Variants in TFCP2L1 observed in about 807,000 individuals in gnomAD.
TFCP2L1 encodes transcription factor CP2-like protein 1.
Under a neutral mutation model 72.2 loss-of-function variants are expected in TFCP2L1, and 12 were observed. That is an observed-to-expected ratio of 0.17 (90% CI 0.11 to 0.27). The LOEUF (loss-of-function observed/expected upper bound fraction) is 0.27, where lower values mean the gene tolerates loss of function less well. Ranked by LOEUF, TFCP2L1 falls within the 10% of genes least tolerant of loss-of-function variation. The pLI is 1.00. For missense variants in TFCP2L1, 488 were observed against 624.6 expected, an observed-to-expected ratio of 0.78 and a Z score of 2.33; for synonymous variants, 260 against 251.0, an observed-to-expected ratio of 1.04 and a Z score of -0.34.
chr2:121,230,130 C>G (rs895992168), intron 13 of TFCP2L1, among the ~76,000 whole-genome samples: 2 of 152,120 alleles, frequency 1.3e-5, no homozygotes, highest in African/African-American at 4.8e-5. Context: ...ACGATCCCAT[C>G]CCGCTCCCAC....
intron 2 of TFCP2L1, among the ~76,000 whole-genome samples, chr2:121,265,651 T>C (rs867012594): frequency 2.0e-5 from 3 of 152,022 alleles, no homozygotes; most frequent in Admixed American, 1.3e-4. Context: ...GCCTGGCTAA[T>C]TTTTGTATTT....
rs936390487 is a variant in TFCP2L1 at position 121,222,824 on chromosome 2, G to A, written c.*1517C>T. ...AAAGCTGTTAGTTAACCCACTCCCCGCTTCTCCTCTAAAGAAGGAAGAGGA... is the reference window on the plus strand; with the variant it reads ...AAAGCTGTTAGTTAACCCACTCCCCACTTCTCCTCTAAAGAAGGAAGAGGA... On this transcript the variant is annotated 3_prime_UTR_variant, in exon 15 of 15. Transcript: ENST00000263707. The A allele has an allele frequency of 7.2e-5, 5 of 68,990 alleles. No individual in the cohort carries two copies. The highest frequency in any genetic ancestry group is 1.4e-4 in the Non-Finnish European group (3 of 21,258). The allele number at this position is 68,990 out of a possible 1,614,324, so 4.3% of individuals were successfully genotyped here.
chr2:121,231,163 C>T (rs1488929590), intron 13 of TFCP2L1, among the ~76,000 whole-genome samples: 1 of 152,216 alleles, frequency 6.6e-6, no homozygotes, highest in East Asian at 1.9e-4. Context: ...AGTCGCTATG[C>T]ATACACTTAA....
At position 121,218,215 on chromosome 2, in the gene TFCP2L1, A is replaced by G. The variant is rs1045307523; in HGVS notation, c.*6126T>C. On this transcript the variant is annotated 3_prime_UTR_variant, in exon 15 of 15. Coordinates refer to ENST00000263707, the MANE Select transcript of TFCP2L1 (RefSeq NM_014553.3). ...GCGTAAGAGCAAACAAATTTCCACA[A>G]TTTTTAAATTGATAAAATCCAAAAT... 6.6e-6 allele frequency: 1 copy of G among 152,226 alleles called. No homozygotes were observed. Among genetic ancestry groups the G allele is most frequent in the African/African-American group, 2.4e-5 (1 of 41,454 alleles). 9.4% of individuals were successfully genotyped at this position (152,226 alleles called of 1,614,324 possible).
chr2:121,224,535 G>GA, intron 14 of TFCP2L1, 148 bp from the exon 15 acceptor site: 2 of 715,768 alleles, frequency 2.8e-6, no homozygotes, highest in East Asian at 5.4e-5. Flanking sequence ...CAGAAGCAGG[G>GA]ATCTCACATG....
intron 2 of TFCP2L1, among the ~76,000 whole-genome samples, chr2:121,257,949 CACCCGA>C (rs1353065197): frequency 6.6e-6 from 1 of 152,150 alleles, no homozygotes; most frequent in East Asian, 1.9e-4. Flanking sequence ...GCCACCAGTT[CACCCGA>C]ACCAGGTCAC....
Position 121,224,232 on chromosome 2 carries a change from C to T in TFCP2L1, c.*109G>A. 1 of 1,319,258 alleles carries T rather than the reference C, an allele frequency of 7.6e-7. No individual in the cohort carries two copies. Among genetic ancestry groups the T allele is most frequent in the Non-Finnish European group, 1.1e-6 (1 of 932,070 alleles). The allele number at this position is 1,319,258 out of a possible 1,614,324, so 81.7% of individuals were successfully genotyped here. ...CTTTCACAGACTGGGCAGGGTCCCT[C>T]CTGGCCTCAGCTTGCCTGGTGAGGC... On this transcript the variant is annotated 3_prime_UTR_variant, in exon 15 of 15. Transcript: ENST00000263707.
intron 2 of TFCP2L1, among the ~76,000 whole-genome samples, chr2:121,274,790 G>C (rs995244834): frequency 3.3e-5 from 5 of 151,934 alleles, no homozygotes; most frequent in African/African-American, 1.2e-4. Flanking sequence ...ACGAAAAATA[G>C]AAAAATTAGC....
At position 121,269,918 on chromosome 2, in the gene TFCP2L1, A is replaced by AAAAAAAAAAAAAAAAAAAAAAATAT; in HGVS notation, c.214+11201_214+11202insATATTTTTTTTTTTTTTTTTTTTTT. ...AGCAAGACTCCATCTAAAAAAAAAA[A>AAAAAAAAAAAAAAAAAAAAAAATAT]ATATATATATATATATATGCAAAAG... On this transcript the variant is annotated intron_variant, in intron 2 of 14. Transcript: ENST00000263707. 2.9e-4 allele frequency among the ~76,000 whole-genome samples: 33 copies of AAAAAAAAAAAAAAAAAAAAAAATAT among 115,152 alleles called. 1 individual carries two copies. The highest frequency in any genetic ancestry group is 6.2e-4 in the South Asian group (2 of 3,218). The allele number at this position is 115,152 out of a possible 152,430, so 75.5% of individuals were successfully genotyped here.
intron 7 of TFCP2L1, 40 bp from the exon 8 acceptor site, chr2:121,239,689 G>A: frequency 6.3e-7 from 1 of 1,586,350 alleles, no homozygotes; most frequent in Non-Finnish European, 8.6e-7. Context: ...ATCTGGAGAG[G>A]CGCTGAGCCG....
rs1686547404 is a variant in TFCP2L1 at position 121,249,008 on chromosome 2, C to T, written c.371G>A (p.Arg124Gln). The change falls in exon 4 of 15, where the codon CGG becomes CAG. Residue 124 changes from arginine (R) to glutamine (Q), a missense_variant. This residue lies in a region of TFCP2L1 where 129 missense variants were observed against 236.0 expected (regional missense o/e 0.55). Coordinates refer to ENST00000263707, the MANE Select transcript of TFCP2L1 (RefSeq NM_014553.3). ...GATGTCCAGGATCCGGTCCCCTGGC[C>T]GACTCCACCGCCAGCCCTCCAGCTG... ...HQQLEGWRWS[R>Q]PGDRILDIDI... is the part of the protein sequence containing the mutation. 1 of 1,602,942 alleles carries T rather than the reference C, an allele frequency of 6.2e-7. No individual in the cohort carries two copies. The highest frequency in any genetic ancestry group is 8.5e-7 in the Non-Finnish European group (1 of 1,175,340).
At chr2:121,270,358 C>T (rs1687021479) in intron 2 of TFCP2L1, among the ~76,000 whole-genome samples, 1 of 152,138 alleles carries the variant, frequency 6.6e-6, no homozygotes, top group African/African-American at 2.4e-5. Context: ...AGAAAATAAA[C>T]AAGTATTCAG....
At chr2:121,254,838 A>C (rs72963309) in intron 2 of TFCP2L1, among the ~76,000 whole-genome samples, 310 of 151,994 alleles carry the variant, frequency 2.0e-3, no homozygotes, top group African/African-American at 7.1e-3. Flanking sequence ...CCCAAAGCAA[A>C]GCACAGCCAG....
chr2:121,244,847 G>A (rs1558734130), intron 6 of TFCP2L1, among the ~76,000 whole-genome samples: 1 of 152,182 alleles, frequency 6.6e-6, no homozygotes, highest in Non-Finnish European at 1.5e-5. Flanking sequence ...CAGAGCGACA[G>A]TGAACCACAG....
At chr2:121,258,734 G>A (rs1347651731) in intron 2 of TFCP2L1, among the ~76,000 whole-genome samples, 1 of 152,212 alleles carries the variant, frequency 6.6e-6, no homozygotes, top group Non-Finnish European at 1.5e-5. Flanking sequence ...GCGGGGTCAG[G>A]AGTGGGACAA....
At chr2:121,275,432 AT>A (rs1206333660) in intron 2 of TFCP2L1, among the ~76,000 whole-genome samples, 1 of 150,974 alleles carries the variant, frequency 6.6e-6, no homozygotes, top group East Asian at 1.9e-4. Flanking sequence ...ACATGTAGAC[AT>A]TTTACATGTT....
At chr2:121,263,469 CAAA>C (rs10603088) in intron 2 of TFCP2L1, among the ~76,000 whole-genome samples, 751 of 67,516 alleles carry the variant, frequency 0.011, 4 homozygotes, top group African/African-American at 0.036. Flanking sequence ...CTGTTTTTGG[CAAA>C]AAAAAAAAAA....
chr2:121,268,661 GGAGAA>G (rs1342422462), intron 2 of TFCP2L1, among the ~76,000 whole-genome samples: 1 of 151,772 alleles, frequency 6.6e-6, no homozygotes, highest in African/African-American at 2.4e-5. Flanking sequence ...CAGGTTCAGG[GGAGAA>G]GAGAAGAACC....
At chr2:121,250,710 G>T (rs2104708193) in intron 2 of TFCP2L1, among the ~76,000 whole-genome samples, 1 of 150,776 alleles carries the variant, frequency 6.6e-6, no homozygotes, top group South Asian at 2.1e-4. Context: ...GGGTTCAAGT[G>T]ATTCTCCTGC....
Sources: allele counts gnomAD v4.1 joint callset (sites outside exome capture counted in the v4.1 genomes callset), GRCh38; gene constraint gnomAD v4.1.1; regional missense constraint gnomAD v4.1.1; transcripts MANE v1.5; gene names NCBI Gene and HGNC (gene_info 2026-07-23, HGNC 2026-07-21).